The following ANO1 variants were observed in gnomAD, a reference collection of about 807,000 sequenced individuals.
The protein encoded by ANO1 is anoctamin 1.
ANO1 carries 59 observed loss-of-function variants against 124.0 expected under a neutral mutation model. The ratio of observed to expected loss-of-function variants is 0.48; its 90% CI spans 0.39 to 0.59. The LOEUF (loss-of-function observed/expected upper bound fraction) is 0.59. ANO1 is among the 20% of genes least tolerant of loss of function. The pLI is 0.00. For synonymous variants in ANO1, 529 were observed against 532.0 expected (o/e 0.99, Z 0.08); for missense variants, 1,059 against 1,328.0 (o/e 0.80, Z 3.15).
At chr11:70,146,592 C>T (rs1358727903) in intron 11 of ANO1, among the ~76,000 whole-genome samples, 2 of 152,058 alleles carry the variant, frequency 1.3e-5, no homozygotes, top group Admixed American at 6.5e-5. Context: ...TCAGGAGAAT[C>T]GACTACTCAC....
chr11:70,066,082 T>G (rs1555008539), intron 1 of ANO1, among the ~76,000 whole-genome samples: 5 of 152,258 alleles, frequency 3.3e-5, no homozygotes, highest in Admixed American at 6.5e-5. Context: ...TTGTTTGCAT[T>G]GTTTATTCCG....
chr11:70,123,857 A>G (rs1159055438), intron 8 of ANO1, among the ~76,000 whole-genome samples: 1 of 152,112 alleles, frequency 6.6e-6, no homozygotes, highest in Non-Finnish European at 1.5e-5. Context: ...CAATCCACCA[A>G]ACTCATTACT....
chr11:70,180,198 T>C (rs1454702460), intron 23 of ANO1, 142 bp downstream of exon 23: 2 of 752,050 alleles, frequency 2.7e-6, no homozygotes, highest in East Asian at 2.6e-5. Flanking sequence ...TCTCTAGTTA[T>C]AAATGTCCCT....
upstream of ANO1, among the ~76,000 whole-genome samples, chr11:70,073,500 T>C (rs1333678739): frequency 6.6e-6 from 1 of 151,872 alleles, no homozygotes; most frequent in Non-Finnish European, 1.5e-5. Context: ...TAAATAAACA[T>C]AAATGGGGAA....
intron 5 of ANO1, 84 bp downstream of exon 5, chr11:70,105,872 CT>C: frequency 7.2e-7 from 1 of 1,393,208 alleles, no homozygotes; most frequent in Non-Finnish European, 1.0e-6. Context: ...GGTGAAACTC[CT>C]CCCGGTGGAA....
intron 1 of ANO1, among the ~76,000 whole-genome samples, chr11:70,069,069 T>C (rs10897832): frequency 0.78 from 119,306 of 152,152 alleles, 47,063 homozygotes; most frequent in African/African-American, 0.86. Flanking sequence ...CCCTGCCTTG[T>C]GAAACAAGCC....
chr11:70,042,465 C>CATTCATGCATGCGTGCGT lies in ANO1; in HGVS notation c.59-36074_59-36057dup, dbSNP rs1222815322. Among the ~76,000 whole-genome samples, 11 of 152,032 alleles carry CATTCATGCATGCGTGCGT rather than the reference C, an allele frequency of 7.2e-5. No individual in the cohort carries two copies. The South Asian group carries it at 1.0e-3, about 14-fold the overall frequency. ...CAGAATACCCAAGAGGGGGATGTTGCATTCATGCATGCGTGCGTATGCACG... is the reference window on the plus strand; with the variant it reads ...CAGAATACCCAAGAGGGGGATGTTGCATTCATGCATGCGTGCGTATTCATGCATGCGTGCGTATGCACG... On this transcript the variant is annotated intron_variant, in intron 1 of 27. Coordinates refer to the ANO1 transcript ENST00000531349.
At chr11:70,008,867 A>G (rs35312815) in intron 1 of ANO1, among the ~76,000 whole-genome samples, 42,727 of 151,710 alleles carry the variant, frequency 0.28, 6,526 homozygotes, top group African/African-American at 0.41. Context: ...TTGAGTGGGG[A>G]CCTTCACAGA....
intron 1 of ANO1, among the ~76,000 whole-genome samples, chr11:70,001,949 A>T (rs1421282261): frequency 2.0e-5 from 3 of 151,962 alleles, no homozygotes; most frequent in Non-Finnish European, 4.4e-5. Context: ...ACAGGTGCCC[A>T]CCACCACACC....
chr11:69,983,032 C>T (rs1244565327), upstream of ANO1, among the ~76,000 whole-genome samples: 5 of 152,042 alleles, frequency 3.3e-5, no homozygotes, highest in Non-Finnish European at 5.9e-5. Flanking sequence ...CAGAGGGAGG[C>T]GTGATTGCAG....
intron 1 of ANO1, among the ~76,000 whole-genome samples, chr11:70,048,169 C>A (rs1857290015): frequency 6.6e-6 from 1 of 152,178 alleles, no homozygotes; most frequent in South Asian, 2.1e-4. Context: ...CATTTTATTT[C>A]AACTGTTTAA....
chr11:70,144,548 G>A (rs74485435), intron 11 of ANO1, among the ~76,000 whole-genome samples: 5,075 of 152,304 alleles, frequency 0.033, 128 homozygotes, highest in East Asian at 0.05. Context: ...GCCTCTGGAC[G>A]CCTCTATGAG....
intron 18 of ANO1, among the ~76,000 whole-genome samples, chr11:70,162,087 G>A (rs766252003): frequency 1.3e-5 from 2 of 150,822 alleles, no homozygotes; most frequent in Non-Finnish European, 3.0e-5. Context: ...GCCCCGGGCA[G>A]TGAGGACCCG....
intron 1 of ANO1, among the ~76,000 whole-genome samples, chr11:69,990,778 T>G (rs1856138665): frequency 6.6e-6 from 1 of 152,230 alleles, no homozygotes; most frequent in South Asian, 2.1e-4. Flanking sequence ...TGGAGAAATA[T>G]CTACTCAATT....
rs541226921 is a variant in ANO1, at chr11:70,028,493, C to G, written c.58+42327C>G. Among the ~76,000 whole-genome samples, 5 of 152,216 alleles carry G rather than the reference C, an allele frequency of 3.3e-5. No individual in the cohort carries two copies. In the South Asian group the frequency reaches 1.0e-3, roughly 32 times the overall value. ...TTCTACTGCCTGATCCCTGACAGGC[C>G]AGCACTGAGACTTTAAAATGACTCA... On this transcript the variant is annotated intron_variant, in intron 1 of 27. Coordinates refer to the ANO1 transcript ENST00000531349.
the ANO1 span, among the ~76,000 whole-genome samples, chr11:69,969,948 AAAAC>A: frequency 2.4e-4 from 37 of 151,906 alleles, no homozygotes; most frequent in African/African-American, 3.9e-4. Context: ...CTCATCTCAA[AAAAC>A]AAACAAACAA....
At chr11:70,142,812 C>T (rs2047206721) in intron 11 of ANO1, among the ~76,000 whole-genome samples, 1 of 152,166 alleles carries the variant, frequency 6.6e-6, no homozygotes, top group Non-Finnish European at 1.5e-5. Context: ...GCCACCTTCT[C>T]CCTGTGTCCT....
chr11:70,098,009 T>G (rs542828996), intron 2 of ANO1, among the ~76,000 whole-genome samples: 2 of 152,304 alleles, frequency 1.3e-5, no homozygotes, highest in African/African-American at 4.8e-5. Flanking sequence ...GATGTGGCAC[T>G]GGGCGTCACA....
intron 1 of ANO1, among the ~76,000 whole-genome samples, chr11:70,042,537 G>C (rs1464906040): frequency 6.6e-6 from 1 of 150,728 alleles, no homozygotes; most frequent in Non-Finnish European, 1.5e-5. Context: ...GAGAGAGAGA[G>C]ATTGAGAGAT....
Sources: gnomAD v4.1 joint callset for allele counts (sites outside exome capture counted in the v4.1 genomes callset) on GRCh38, gnomAD v4.1.1 for gene constraint, MANE v1.5 for transcripts, NCBI Gene and HGNC (gene_info 2026-07-23, HGNC 2026-07-21) for gene names.